Variants in ULK4 observed in about 807,000 individuals in gnomAD.
The protein encoded by ULK4 is unc-51 like kinase 4.
In ULK4, 133 loss-of-function variants were observed where a neutral mutation model predicts 160.6. The observed-to-expected ratio is 0.83, with a 90% confidence interval of 0.72 to 0.96. The LOEUF is 0.96. Among genes scored for constraint, ULK4 ranks in the 40% least tolerant of loss-of-function variants. The pLI is 0.00. For synonymous variants in ULK4, 534 were observed against 539.8 expected, an observed-to-expected ratio of 0.99 and a Z score of 0.15; for missense variants, 1,580 against 1,499.5, an observed-to-expected ratio of 1.05 and a Z score of -0.89.
chr3:41,362,272 T>C (rs1210754102), intron 35 of ULK4, among the ~76,000 whole-genome samples: 2 of 152,186 alleles, frequency 1.3e-5, no homozygotes, highest in Non-Finnish European at 2.9e-5. Context: ...GGTATGATGA[T>C]GCTATATTAT....
rs117397183 is a variant in ULK4 at position 41,683,753 on chromosome 3, C to G, written c.2782-1949G>C. ...CTGGTTCAACCTCAATAGACACCCACGCAGCATAGGCAAAAACAGTCATTC... is the reference window on the plus strand; with the variant it reads ...CTGGTTCAACCTCAATAGACACCCAGGCAGCATAGGCAAAAACAGTCATTC... On this transcript the variant is annotated intron_variant, in intron 27 of 36. Coordinates refer to ENST00000301831, the MANE Select transcript of ULK4 (RefSeq NM_017886.4). Among the ~76,000 whole-genome samples, 10 of 152,096 alleles carry G rather than the reference C, an allele frequency of 6.6e-5. No homozygotes were observed. In the South Asian group the frequency reaches 1.0e-3, roughly 16 times the overall value.
At chr3:41,491,536 G>A (rs999600122) in intron 32 of ULK4, among the ~76,000 whole-genome samples, 2 of 152,054 alleles carry the variant, frequency 1.3e-5, no homozygotes, top group Admixed American at 1.3e-4. Flanking sequence ...TTTCAGATCA[G>A]TGGAGAAAAG....
chr3:41,781,012 T>C (rs2039821756), intron 21 of ULK4, among the ~76,000 whole-genome samples: 1 of 151,760 alleles, frequency 6.6e-6, no homozygotes, highest in African/African-American at 2.4e-5. Flanking sequence ...AAAGAGAAGA[T>C]AGAGGCAGAA....
At chr3:41,682,487 A>G (rs942898704) in intron 27 of ULK4, among the ~76,000 whole-genome samples, 1 of 152,220 alleles carries the variant, frequency 6.6e-6, no homozygotes, top group African/African-American at 2.4e-5. Context: ...TTGTTTGTGT[A>G]CTTGTTCTCT....
At chr3:41,767,390 T>A (rs1345283158) in intron 21 of ULK4, among the ~76,000 whole-genome samples, 1 of 152,176 alleles carries the variant, frequency 6.6e-6, no homozygotes, top group Non-Finnish European at 1.5e-5. Flanking sequence ...AATAAAAAAA[T>A]CTACAATGTT....
chr3:41,577,023 G>T (rs1033045492), intron 31 of ULK4, among the ~76,000 whole-genome samples: 3 of 152,228 alleles, frequency 2.0e-5, no homozygotes, highest in Admixed American at 6.5e-5. Context: ...GTCTTTTACT[G>T]TGGGAGTGTG....
chr3:41,948,213 G>A (rs114400513), intron 2 of ULK4, among the ~76,000 whole-genome samples: 1 of 152,144 alleles, frequency 6.6e-6, no homozygotes, highest in Non-Finnish European at 1.5e-5. Flanking sequence ...CATTTCGGGA[G>A]GTCGAGGTGG....
intron 32 of ULK4, among the ~76,000 whole-genome samples, chr3:41,484,278 T>C (rs1333093458): frequency 2.6e-5 from 4 of 152,100 alleles, no homozygotes; most frequent in Non-Finnish European, 5.9e-5. Context: ...AGAGACACCC[T>C]ATATTTACCA....
chr3:41,295,199 A>T (rs1293623050), intron 35 of ULK4, among the ~76,000 whole-genome samples: 13 of 136,792 alleles, frequency 9.5e-5, no homozygotes, highest in South Asian at 2.4e-4. Context: ...AATGGAGCAA[A>T]CATAGTTTTT....
intron 29 of ULK4, among the ~76,000 whole-genome samples, chr3:41,680,145 A>T (rs1157339313): frequency 2.6e-5 from 4 of 152,250 alleles, no homozygotes; most frequent in African/African-American, 9.6e-5. Context: ...TAATCCCATT[A>T]AAGAAGGGTA....
chr3:41,873,880 T>G (rs1281352150), intron 17 of ULK4, among the ~76,000 whole-genome samples: 3 of 131,450 alleles, frequency 2.3e-5, no homozygotes, highest in African/African-American at 8.6e-5. Context: ...TGGTTTTTTT[T>G]GTTTTTTTTT....
rs535245599 is a variant in ULK4 at position 41,387,618 on chromosome 3, G to A, written c.3678+10461C>T. On this transcript the variant is annotated intron_variant, in intron 35 of 36. Coordinates refer to ENST00000301831, the MANE Select transcript of ULK4 (RefSeq NM_017886.4). ...AATTCACACCTATGAGTGAGAATAC[G>A]CGGTGTTTGGTTTTTTGTCCTTGTG... is the stretch of plus-strand genomic sequence containing the variant. Among the ~76,000 whole-genome samples, 10 of 152,226 alleles carry A rather than the reference G, an allele frequency of 6.6e-5. No individual in the cohort carries two copies. The South Asian group carries it at 1.9e-3, about 28-fold the overall frequency.
At chr3:41,823,151 G>T (rs73830511) in intron 18 of ULK4, among the ~76,000 whole-genome samples, 38,704 of 152,044 alleles carry the variant, frequency 0.25, 6,105 homozygotes, top group African/African-American at 0.45. Context: ...AGATCACTCA[G>T]AGACAGGGAA....
At chr3:41,456,202 G>A (rs2083549167) in intron 33 of ULK4, among the ~76,000 whole-genome samples, 2 of 152,118 alleles carry the variant, frequency 1.3e-5, no homozygotes, top group African/African-American at 2.4e-5. Context: ...GAGCCACCGC[G>A]CCCAGCCAAA....
chr3:41,893,472 T>G (rs1698042613), intron 16 of ULK4, among the ~76,000 whole-genome samples: 3 of 152,178 alleles, frequency 2.0e-5, no homozygotes, highest in African/African-American at 7.2e-5. Context: ...TATATATTGA[T>G]ACAATTTTTT....
chr3:41,278,923 G>GA (rs1264706993), intron 35 of ULK4, among the ~76,000 whole-genome samples: 2 of 152,064 alleles, frequency 1.3e-5, no homozygotes, highest in African/African-American at 4.8e-5. Flanking sequence ...GCCGGCAGCG[G>GA]AAAAAAACTG....
chr3:41,455,735 G>C (rs1042509731), intron 33 of ULK4, 140 bp from the exon 34 acceptor site: 12 of 667,174 alleles, frequency 1.8e-5, no homozygotes, highest in Non-Finnish European at 3.1e-5. Flanking sequence ...AATAGATGGA[G>C]GCCCCAGAAG....
chr3:41,254,604 G>A (rs1010804409), intron 35 of ULK4, among the ~76,000 whole-genome samples: 11 of 152,106 alleles, frequency 7.2e-5, no homozygotes, highest in Middle Eastern at 3.4e-3. Flanking sequence ...AAAAAGGGCC[G>A]GGCGCGGTGG....
chr3:41,906,894 G>C (rs1265356845), intron 12 of ULK4, among the ~76,000 whole-genome samples: 1 of 152,104 alleles, frequency 6.6e-6, no homozygotes, highest in African/African-American at 2.4e-5. Flanking sequence ...TTGGTAGGCT[G>C]AGGCAGGAGA....
Sources: allele counts gnomAD v4.1 joint callset (sites outside exome capture counted in the v4.1 genomes callset), GRCh38; gene constraint gnomAD v4.1.1; transcripts MANE v1.5; gene names NCBI Gene and HGNC (gene_info 2026-07-23, HGNC 2026-07-21).